RAI2: variants seen among roughly 807,000 people sequenced by gnomAD.
The protein encoded by RAI2 is retinoic acid induced 2.
RAI2 carries 5 observed loss-of-function variants against 15.3 expected under a neutral mutation model. The observed-to-expected ratio is 0.33, with a 90% CI of 0.17 to 0.69. The LOEUF (loss-of-function observed/expected upper bound fraction) is 0.69, where lower values mean the gene tolerates loss of function less well. RAI2 is among the 30% of genes least tolerant of loss of function. The probability of loss-of-function intolerance (pLI) is 0.69; values close to 1 mark genes in which losing one functional copy is unlikely to be tolerated. For missense variants in RAI2, 424 were observed against 424.7 expected (o/e 1.00, Z 0.01); for synonymous variants, 191 against 184.0 (o/e 1.04, Z -0.31).
intron 1 of RAI2, among the ~76,000 whole-genome samples, chrX:17,852,034 G>A (rs1033670316): frequency 8.9e-6 from 1 of 111,841 alleles, no homozygotes; most frequent in Non-Finnish European, 1.9e-5. Flanking sequence ...TCTGCACCAC[G>A]AAACTGGCCT....
At chrX:17,803,607 C>T (rs1200038255) in intron 1 of RAI2, among the ~76,000 whole-genome samples, 1 of 112,234 alleles carries the variant, frequency 8.9e-6, no homozygotes, top group Non-Finnish European at 1.9e-5. Context: ...AAATGAACAA[C>T]TCTGTGGTAT....
At chrX:17,819,629 C>T (rs1420587704) in intron 1 of RAI2, among the ~76,000 whole-genome samples, 1 of 112,827 alleles carries the variant, frequency 8.9e-6, no homozygotes, top group Non-Finnish European at 1.9e-5. Context: ...CTGTGGAATA[C>T]TACTCAGCAA....
intron 1 of RAI2, among the ~76,000 whole-genome samples, chrX:17,835,336 T>C (rs948680230): frequency 7.1e-5 from 8 of 112,374 alleles, no homozygotes; most frequent in African/African-American, 2.3e-4. Flanking sequence ...TAATAGAATG[T>C]AACTTAAACA....
intron 1 of RAI2, among the ~76,000 whole-genome samples, chrX:17,846,512 C>T (rs1282310426): frequency 8.9e-6 from 1 of 112,325 alleles, no homozygotes; most frequent in Non-Finnish European, 1.9e-5. Context: ...AAGCTGCGGA[C>T]TGAAGGTGCT....
intron 1 of RAI2, among the ~76,000 whole-genome samples, chrX:17,812,627 C>A (rs2147223699): frequency 8.9e-6 from 1 of 111,993 alleles, no homozygotes; most frequent in East Asian, 2.8e-4. Context: ...CATAATTTCA[C>A]TTCATATCCT....
rs953658018 is a variant in RAI2 at position 17,800,369 on chromosome X, A to C, written c.*49T>G. 6.2e-6 allele frequency: 7 copies of C among 1,127,727 alleles called. No homozygotes were observed. The highest frequency in any genetic ancestry group is 8.2e-6 in the Non-Finnish European group (7 of 849,479). The allele number at this position is 1,127,727 out of a possible 1,213,427, so 92.9% of individuals were successfully genotyped here. On this transcript the variant is annotated 3_prime_UTR_variant, in exon 2 of 2. Coordinates refer to ENST00000451717, the MANE Select transcript of RAI2 (RefSeq NM_021785.6). ...TTTTAAATGCCTTTTTATAAAACCA[A>C]TGCACCTTTCCCCATATTATAATCA...
intron 1 of RAI2, among the ~76,000 whole-genome samples, chrX:17,825,970 C>T (rs2067221826): frequency 8.9e-6 from 1 of 112,411 alleles, no homozygotes; most frequent in Admixed American, 9.4e-5. Flanking sequence ...TTACTCATCT[C>T]AGCAGTGTTT....
rs761824725 is a variant in RAI2 at position 17,838,656 on chromosome X, C to G, written c.-25+22442G>C. On this transcript the variant is annotated intron_variant, in intron 1 of 1. Coordinates refer to ENST00000451717, the MANE Select transcript of RAI2 (RefSeq NM_021785.6). ...ACCGCCTCAAACACACACACACACACAGCACACACACACACACACACACAC... is the reference window on the plus strand; with the variant it reads ...ACCGCCTCAAACACACACACACACAGAGCACACACACACACACACACACAC... Among the ~76,000 whole-genome samples the G allele has an allele frequency of 8.4e-5, 8 of 95,061 alleles. No individual in the cohort carries two copies. The South Asian group carries it at 2.6e-3, about 31-fold the overall frequency. 82.5% of individuals were successfully genotyped at this position (95,061 alleles called of 115,157 possible). A position where few individuals can be genotyped will look rare whatever the true frequency, so the allele number is the denominator to read the frequency against.
chrX:17,810,523 T>A, intron 1 of RAI2, among the ~76,000 whole-genome samples: 1 of 112,584 alleles, frequency 8.9e-6, no homozygotes, highest in African/African-American at 3.2e-5. Context: ...GGACTCAGTT[T>A]CCTCTTTTGT....
At chrX:17,821,907 T>C (rs756487323) in intron 1 of RAI2, among the ~76,000 whole-genome samples, 177 of 110,492 alleles carry the variant, frequency 1.6e-3, no homozygotes, top group Non-Finnish European at 2.8e-3. Context: ...AAACAGTATA[T>C]TGAAATAGTG....
At chrX:17,809,230 G>A in intron 1 of RAI2, among the ~76,000 whole-genome samples, 2 of 112,472 alleles carry the variant, frequency 1.8e-5, no homozygotes, top group Middle Eastern at 4.6e-3. Flanking sequence ...TTACAGATGA[G>A]TTCCCTGACA....
intron 1 of RAI2, among the ~76,000 whole-genome samples, chrX:17,849,441 G>T (rs779828324): frequency 1.8e-5 from 2 of 112,147 alleles, no homozygotes; most frequent in Non-Finnish European, 3.8e-5. Context: ...GTTACTAAAC[G>T]TATCCAAGCC....
intron 1 of RAI2, among the ~76,000 whole-genome samples, chrX:17,833,071 C>A (rs1278235879): frequency 8.9e-6 from 1 of 111,814 alleles, no homozygotes; most frequent in African/African-American, 3.3e-5. Flanking sequence ...AAATGTCCAT[C>A]AATAATACAT....
chrX:17,835,519 C>T (rs1022251425), intron 1 of RAI2, among the ~76,000 whole-genome samples: 2 of 111,995 alleles, frequency 1.8e-5, no homozygotes, highest in Non-Finnish European at 3.8e-5. Flanking sequence ...CTGTGCCCTC[C>T]ACACAGATCA....
chrX:17,801,093 C>A lies in RAI2; in HGVS notation c.918G>T (p.Thr306=), dbSNP rs565435195. 1 of 1,209,659 alleles carries A rather than the reference C, an allele frequency of 8.3e-7. No individual in the cohort carries two copies. Among genetic ancestry groups the A allele is most frequent in the African/African-American group, 1.8e-5 (1 of 56,997 alleles). ...CGTTCTCACTTCCCATCTTAATGAC[C>A]GTGTGGCGGCTGAGCTGGAAGTACT... is the stretch of plus-strand genomic sequence containing the variant. The part of the protein sequence containing the change: ...PKEYFQLSRH[T]VIKMGSENEA... Residue 306 remains threonine (T), a synonymous_variant, in exon 2 of 2, where the codon ACG becomes ACT. Coordinates refer to ENST00000451717, the MANE Select transcript of RAI2 (RefSeq NM_021785.6).
intron 1 of RAI2, among the ~76,000 whole-genome samples, chrX:17,819,319 G>T (rs929988331): frequency 2.7e-5 from 3 of 112,290 alleles, no homozygotes; most frequent in African/African-American, 9.7e-5. Flanking sequence ...CATTACAACA[G>T]CTAAACATTT....
At chrX:17,858,758 G>C (rs1265577120) in intron 1 of RAI2, among the ~76,000 whole-genome samples, 11 of 112,445 alleles carry the variant, frequency 9.8e-5, no homozygotes, top group Non-Finnish European at 2.1e-4. Context: ...CCCAGCGATC[G>C]GCATCGCTTG....
At chrX:17,861,017 C>A (rs1231684765) in intron 1 of RAI2, 81 bp downstream of exon 1, 3 of 105,831 alleles carry the variant, frequency 2.8e-5, no homozygotes, top group Non-Finnish European at 5.9e-5. Flanking sequence ...CAGCCCGGCG[C>A]GCCCCCTGCG....
At chrX:17,832,633 C>T (rs1358082678) in intron 1 of RAI2, among the ~76,000 whole-genome samples, 1 of 112,206 alleles carries the variant, frequency 8.9e-6, no homozygotes, top group East Asian at 2.8e-4. Flanking sequence ...TGAGTCTGCC[C>T]AAAGGTGGGC....
Sources: allele counts gnomAD v4.1 joint callset (sites outside exome capture counted in the v4.1 genomes callset), GRCh38; gene constraint gnomAD v4.1.1; transcripts MANE v1.5; gene names NCBI Gene and HGNC (gene_info 2026-07-23, HGNC 2026-07-21).